Variants in R3HDM2 observed in about 807,000 individuals in gnomAD.
The protein encoded by R3HDM2 is R3H domain containing 2.
Under a neutral mutation model 124.5 loss-of-function variants are expected in R3HDM2, and 38 were observed. That is an observed-to-expected ratio of 0.31 (90% CI 0.24 to 0.40). The LOEUF is 0.40. Ranked by LOEUF, R3HDM2 falls within the 10% of genes least tolerant of loss-of-function variation. The probability of loss-of-function intolerance (pLI) is 1.00; values close to 1 mark genes in which losing one functional copy is unlikely to be tolerated. For synonymous variants in R3HDM2, 391 were observed against 448.0 expected, an observed-to-expected ratio of 0.87 and a Z score of 1.61; for missense variants, 869 against 1,236.9, an observed-to-expected ratio of 0.70 and a Z score of 4.46.
At chr12:57,302,089 T>C (rs968376982) in intron 4 of R3HDM2, among the ~76,000 whole-genome samples, 2 of 151,736 alleles carry the variant, frequency 1.3e-5, no homozygotes, top group African/African-American at 4.9e-5. Context: ...GAGAACAGCC[T>C]GCGTGACATG....
At position 57,266,764 on chromosome 12, in the gene R3HDM2, A is replaced by G. The variant is rs781042216; in HGVS notation, c.2098T>C (p.Cys700Arg). Residue 700 changes from cysteine to arginine, a missense_variant, in exon 19 of 24, where the codon TGC (cysteine) becomes CGC (arginine). Transcript: ENST00000402412. Reference sequence around the variant, plus strand: ...TGCTGTGGCATCTGTGGTGGACTGCAGGGAGAGGGAGACTGAGGCATCTGG... The same window carrying G: ...TGCTGTGGCATCTGTGGTGGACTGCGGGGAGAGGGAGACTGAGGCATCTGG... ...QYQMPQSPSP[C>R]SPPQMPQQYS... 11 of 1,608,074 alleles carry G rather than the reference A, an allele frequency of 6.8e-6. No homozygotes were observed. Among genetic ancestry groups the G allele is most frequent in the Non-Finnish European group, 9.4e-6 (11 of 1,174,794 alleles).
At chr12:57,357,150 T>G (rs1024795477) in intron 2 of R3HDM2, among the ~76,000 whole-genome samples, 1 of 141,988 alleles carries the variant, frequency 7.0e-6, no homozygotes, top group Non-Finnish European at 1.5e-5. Context: ...ATAGTAAAAT[T>G]TATTGACATA....
At chr12:57,430,587 G>C (rs1210317772) in intron 1 of R3HDM2, 133 bp downstream of exon 1, 8 of 984,664 alleles carry the variant, frequency 8.1e-6, no homozygotes, top group Non-Finnish European at 9.6e-6. Context: ...CTGACCCATC[G>C]TCCCCGGGAC....
At chr12:57,288,390 CTCTCTCTA>C (rs1313225905) in intron 12 of R3HDM2, among the ~76,000 whole-genome samples, 2 of 151,740 alleles carry the variant, frequency 1.3e-5, no homozygotes, top group African/African-American at 2.4e-5. Flanking sequence ...CTCTCTCTCT[CTCTCTCTA>C]TATATATATA....
intron 2 of R3HDM2, among the ~76,000 whole-genome samples, chr12:57,312,160 T>G (rs537368221): frequency 6.6e-6 from 1 of 152,332 alleles, no homozygotes; most frequent in South Asian, 2.1e-4. Context: ...ATAGCAATGC[T>G]TCAAGAAAAT....
intron 2 of R3HDM2, among the ~76,000 whole-genome samples, chr12:57,348,316 C>A (rs908785768): frequency 3.9e-5 from 6 of 152,024 alleles, no homozygotes; most frequent in Non-Finnish European, 7.4e-5. Context: ...CCTGTAATCC[C>A]AACACTTTGG....
At chr12:57,291,166 G>A (rs1378941099) in intron 11 of R3HDM2, among the ~76,000 whole-genome samples, 1 of 152,126 alleles carries the variant, frequency 6.6e-6, no homozygotes, top group East Asian at 1.9e-4. Context: ...CTGTATATCA[G>A]TTCCCAGTGA....
chr12:57,349,504 C>T (rs1480950915), intron 2 of R3HDM2, among the ~76,000 whole-genome samples: 2 of 150,972 alleles, frequency 1.3e-5, no homozygotes, highest in African/African-American at 4.9e-5. Flanking sequence ...ATCCATTCAC[C>T]ATATTTTTCT....
At chr12:57,386,402 C>G (rs891564540) in intron 2 of R3HDM2, among the ~76,000 whole-genome samples, 2 of 152,240 alleles carry the variant, frequency 1.3e-5, no homozygotes, top group African/African-American at 4.8e-5. Flanking sequence ...GCTCCGCACT[C>G]GGAGAGGCCA....
chr12:57,421,982 G>A (rs1328041382), intron 1 of R3HDM2, among the ~76,000 whole-genome samples: 1 of 151,206 alleles, frequency 6.6e-6, no homozygotes, highest in Admixed American at 6.6e-5. Context: ...TGTAATCCCA[G>A]CTACTCAGGA....
chr12:57,326,876 A>C (rs1019174108), intron 2 of R3HDM2, among the ~76,000 whole-genome samples: 2 of 152,206 alleles, frequency 1.3e-5, no homozygotes, highest in African/African-American at 2.4e-5. Context: ...AATTATGCCA[A>C]ATCAACTCTG....
At chr12:57,377,104 A>AAATAAATAAATAAATAAAT (rs1395609324) in intron 2 of R3HDM2, among the ~76,000 whole-genome samples, 4 of 130,522 alleles carry the variant, frequency 3.1e-5, no homozygotes, top group African/African-American at 1.1e-4. Context: ...ATAAATAAAT[A>AAATAAATAAATAAATAAAT]AAAGAGACTT....
At chr12:57,392,253 G>A (rs573996449) in intron 2 of R3HDM2, among the ~76,000 whole-genome samples, 28 of 152,266 alleles carry the variant, frequency 1.8e-4, no homozygotes, top group Admixed American at 1.0e-3. Flanking sequence ...AAATAACAGC[G>A]GTTTCCAACC....
chr12:57,428,549 G>A (rs904611891), intron 1 of R3HDM2, among the ~76,000 whole-genome samples: 2 of 151,602 alleles, frequency 1.3e-5, no homozygotes, highest in East Asian at 1.9e-4. Context: ...CAGCTACCCA[G>A]GAGGCTGAGG....
At chr12:57,364,738 A>T (rs934733556) in intron 2 of R3HDM2, among the ~76,000 whole-genome samples, 2 of 148,552 alleles carry the variant, frequency 1.3e-5, no homozygotes, top group Non-Finnish European at 3.0e-5. Context: ...GCGGATCATG[A>T]GGTCAGGAGT....
intron 2 of R3HDM2, among the ~76,000 whole-genome samples, chr12:57,321,221 A>C (rs2136301078): frequency 6.6e-6 from 1 of 152,364 alleles, no homozygotes; most frequent in East Asian, 1.9e-4. Flanking sequence ...GTTTTGGATT[A>C]TGGATGGTCA....
intron 1 of R3HDM2, among the ~76,000 whole-genome samples, chr12:57,407,990 C>T (rs1335010126): frequency 4.6e-5 from 7 of 152,118 alleles, no homozygotes; most frequent in South Asian, 2.1e-4. Flanking sequence ...AGTGCAGTGG[C>T]GCAAACTCAG....
chr12:57,334,975 C>CAAA (rs781478665), intron 2 of R3HDM2, among the ~76,000 whole-genome samples: 2 of 120,824 alleles, frequency 1.7e-5, no homozygotes, highest in Admixed American at 8.4e-5. Context: ...CCACCTCTAC[C>CAAA]AAAAAAAAAA....
intron 1 of R3HDM2, among the ~76,000 whole-genome samples, chr12:57,410,000 T>C (rs2139257897): frequency 6.6e-6 from 1 of 152,310 alleles, no homozygotes; most frequent in African/African-American, 2.4e-5. Flanking sequence ...TCTGTATAAA[T>C]CTAGGGTCAG....
Sources: gnomAD v4.1 joint callset for allele counts (sites outside exome capture counted in the v4.1 genomes callset) on GRCh38, gnomAD v4.1.1 for gene constraint, MANE v1.5 for transcripts, NCBI Gene and HGNC (gene_info 2026-07-23, HGNC 2026-07-21) for gene names.